HS6ST3: variants seen among roughly 807,000 people sequenced by gnomAD.
The protein encoded by HS6ST3 is heparan sulfate 6-O-sulfotransferase 3.
In HS6ST3, 12 loss-of-function variants were observed where a neutral mutation model predicts 36.7. That is an observed-to-expected ratio of 0.33 (90% CI 0.21 to 0.53). The LOEUF is 0.53. HS6ST3 is among the 20% of genes least tolerant of loss of function. The pLI, the probability that HS6ST3 is intolerant of heterozygous loss-of-function variation, is 0.95. For missense variants in HS6ST3, 584 were observed against 640.9 expected (o/e 0.91, Z 0.96); for synonymous variants, 240 against 257.5 (o/e 0.93, Z 0.65).
chr13:96,340,626 C>T (rs1229697637), intron 1 of HS6ST3, among the ~76,000 whole-genome samples: 1 of 152,220 alleles, frequency 6.6e-6, no homozygotes, highest in African/African-American at 2.4e-5. Flanking sequence ...GGGACCTGCT[C>T]AGGTTTCCCA....
chr13:96,407,572 T>C (rs766952312), intron 1 of HS6ST3, among the ~76,000 whole-genome samples: 12 of 152,208 alleles, frequency 7.9e-5, no homozygotes, highest in Non-Finnish European at 1.3e-4. Context: ...CTTTCTTAAA[T>C]GTGTCCCTCA....
chr13:96,450,469 A>T (rs936286925), intron 1 of HS6ST3, among the ~76,000 whole-genome samples: 4 of 152,186 alleles, frequency 2.6e-5, no homozygotes, highest in African/African-American at 9.6e-5. Context: ...AACATTTTGT[A>T]TTGAATACAG....
intron 1 of HS6ST3, among the ~76,000 whole-genome samples, chr13:96,232,701 C>G (rs1282375026): frequency 6.6e-6 from 1 of 152,032 alleles, no homozygotes; most frequent in Non-Finnish European, 1.5e-5. Flanking sequence ...CAGGTGCAAC[C>G]AGGGAAGGGA....
intron 1 of HS6ST3, among the ~76,000 whole-genome samples, chr13:96,223,883 A>G (rs1265339902): frequency 6.6e-6 from 1 of 152,090 alleles, no homozygotes; most frequent in Non-Finnish European, 1.5e-5. Context: ...TCTCTAAGCC[A>G]TGGGCAGTTT....
chr13:96,761,699 G>A (rs1876975002), intron 1 of HS6ST3, among the ~76,000 whole-genome samples: 1 of 152,026 alleles, frequency 6.6e-6, no homozygotes, highest in Non-Finnish European at 1.5e-5. Context: ...TAAACAATAT[G>A]TAGTATTGTT....
intron 1 of HS6ST3, among the ~76,000 whole-genome samples, chr13:96,238,168 G>T (rs555344126): frequency 1.3e-5 from 2 of 152,110 alleles, no homozygotes; most frequent in African/African-American, 4.8e-5. Flanking sequence ...GAACTCTGGG[G>T]GGTCATCCTT....
intron 1 of HS6ST3, among the ~76,000 whole-genome samples, chr13:96,382,885 T>C (rs1462544202): frequency 2.0e-5 from 3 of 152,242 alleles, no homozygotes; most frequent in Admixed American, 6.5e-5. Flanking sequence ...TCATTGTTGC[T>C]ACATTCTATT....
At chr13:96,379,367 G>T (rs1335274939) in intron 1 of HS6ST3, among the ~76,000 whole-genome samples, 1 of 152,140 alleles carries the variant, frequency 6.6e-6, no homozygotes, top group Admixed American at 6.6e-5. Flanking sequence ...TCTAAAAGAG[G>T]ACTAGGAGAG....
intron 1 of HS6ST3, among the ~76,000 whole-genome samples, chr13:96,539,205 C>T (rs1273819246): frequency 6.6e-6 from 1 of 152,154 alleles, no homozygotes; most frequent in Non-Finnish European, 1.5e-5. Context: ...ACTTAGAAAA[C>T]ACTTTCTGTC....
At chr13:96,358,349 C>G (rs1345049604) in intron 1 of HS6ST3, among the ~76,000 whole-genome samples, 5 of 152,128 alleles carry the variant, frequency 3.3e-5, no homozygotes, top group African/African-American at 1.2e-4. Context: ...TGTACCTTAT[C>G]CATGTGTTTC....
intron 1 of HS6ST3, among the ~76,000 whole-genome samples, chr13:96,147,297 A>T (rs1045196350): frequency 6.6e-6 from 1 of 152,006 alleles, no homozygotes; most frequent in African/African-American, 2.4e-5. Context: ...ACCCCAAATC[A>T]CTCAAATCAC....
At chr13:96,091,812 C>A (rs2139289873) in intron 1 of HS6ST3, among the ~76,000 whole-genome samples, 1 of 152,208 alleles carries the variant, frequency 6.6e-6, no homozygotes, top group South Asian at 2.1e-4. Flanking sequence ...CTAAGATGTG[C>A]GGAGCCACCG....
chr13:96,725,497 T>C (rs1875979981), intron 1 of HS6ST3, among the ~76,000 whole-genome samples: 1 of 152,228 alleles, frequency 6.6e-6, no homozygotes, highest in African/African-American at 2.4e-5. Flanking sequence ...TTTTGAGTTT[T>C]AGCTTTTACT....
At chr13:96,790,401 C>T (rs556359993) in intron 1 of HS6ST3, among the ~76,000 whole-genome samples, 7 of 151,602 alleles carry the variant, frequency 4.6e-5, no homozygotes, top group East Asian at 1.9e-4. Flanking sequence ...GGGGATAACA[C>T]GTAAAATTAG....
chr13:96,731,202 CT>C (rs1258045140), intron 1 of HS6ST3, among the ~76,000 whole-genome samples: 1 of 152,182 alleles, frequency 6.6e-6, no homozygotes, highest in African/African-American at 2.4e-5. Context: ...TTCTTTCTAA[CT>C]ATAAATATAG....
chr13:96,632,738 T>C (rs2139001731), intron 1 of HS6ST3, among the ~76,000 whole-genome samples: 1 of 152,334 alleles, frequency 6.6e-6, no homozygotes, highest in South Asian at 2.1e-4. Flanking sequence ...ATACTAAAAA[T>C]GAGTCACTGT....
intron 1 of HS6ST3, among the ~76,000 whole-genome samples, chr13:96,113,177 G>T (rs1048162992): frequency 1.5e-4 from 23 of 152,084 alleles, no homozygotes; most frequent in African/African-American, 5.3e-4. Flanking sequence ...ACACAAACAC[G>T]GATTCACTTA....
intron 1 of HS6ST3, among the ~76,000 whole-genome samples, chr13:96,466,688 T>C (rs1257570490): frequency 6.6e-6 from 1 of 152,194 alleles, no homozygotes; most frequent in Admixed American, 6.5e-5. Flanking sequence ...ATGGCTATGT[T>C]GTTAAGTAGC....
chr13:96,251,325 C>T lies in HS6ST3; in HGVS notation c.707+159756C>T, dbSNP rs964376665. Among the ~76,000 whole-genome samples, 27 of 152,102 alleles carry T rather than the reference C, an allele frequency of 1.8e-4. No homozygotes were observed. In the South Asian group the frequency reaches 2.5e-3, roughly 14 times the overall value. On this transcript the variant is annotated intron_variant, in intron 1 of 1. Coordinates refer to ENST00000376705, the MANE Select transcript of HS6ST3 (RefSeq NM_153456.4). Reference sequence around the variant, plus strand: ...CATGGTTCAATCTTGGTAGGTTATACGTTTTTAAGAATGTATCCATTTTGT... The same window carrying T: ...CATGGTTCAATCTTGGTAGGTTATATGTTTTTAAGAATGTATCCATTTTGT...
Sources: allele counts gnomAD v4.1 joint callset (sites outside exome capture counted in the v4.1 genomes callset), GRCh38; gene constraint gnomAD v4.1.1; transcripts MANE v1.5; gene names NCBI Gene and HGNC (gene_info 2026-07-23, HGNC 2026-07-21).